Variants in PWWP2A observed in about 807,000 individuals in gnomAD.
The protein encoded by PWWP2A is PWWP domain-containing protein 2A.
In PWWP2A, 18 loss-of-function variants were observed where a neutral mutation model predicts 48.5. The observed-to-expected ratio is 0.37, with a 90% CI of 0.26 to 0.55. The LOEUF (loss-of-function observed/expected upper bound fraction) is 0.55, where lower values mean the gene tolerates loss of function less well. Ranked by LOEUF, PWWP2A falls within the 20% of genes least tolerant of loss-of-function variation. The probability of loss-of-function intolerance (pLI) is 0.81; values close to 1 mark genes in which losing one functional copy is unlikely to be tolerated. For synonymous variants in PWWP2A, 396 were observed against 387.7 expected (o/e 1.02, Z -0.25); for missense variants, 867 against 976.4 (o/e 0.89, Z 1.49).
rs1368490139 is a variant in PWWP2A at position 160,093,954 on chromosome 5, C to T, written c.696G>A (p.Lys232=). The T allele has an allele frequency of 6.2e-7, 1 of 1,614,040 alleles. No individual in the cohort carries two copies. The highest frequency in any genetic ancestry group is 1.1e-5 in the South Asian group (1 of 91,080). Reference sequence around the variant, plus strand: ...CGGGAACAGCACCATTTGCTTCACACTTGACTTCTGTCCCTTCTTGGAATG... The same window carrying T: ...CGGGAACAGCACCATTTGCTTCACATTTGACTTCTGTCCCTTCTTGGAATG... ...SNTFQEGTEV[K]CEANGAVPDD... is the part of the protein sequence containing the mutation. The change falls in exon 2 of 2, where the codon AAG becomes AAA. Residue 232 remains lysine (K), a synonymous_variant. Coordinates refer to ENST00000307063, the MANE Select transcript of PWWP2A (RefSeq NM_001130864.2). This position sits in a 1 kb window ranked among gnomAD's most constrained non-coding sequence, Gnocchi z 5.8.
downstream of PWWP2A, among the ~76,000 whole-genome samples, chr5:160,059,228 C>T (rs145434296): frequency 1.3e-4 from 20 of 152,338 alleles, no homozygotes; most frequent in African/African-American, 4.6e-4. Context: ...TTAGTGTAGC[C>T]ACCTTCATCA....
At chr5:160,079,692 G>T (rs536178440) in intron 3 of PWWP2A, among the ~76,000 whole-genome samples, 1 of 152,294 alleles carries the variant, frequency 6.6e-6, no homozygotes, top group African/African-American at 2.4e-5. Flanking sequence ...TTTAAGTTCA[G>T]TTAAAATCTA....
chr5:160,103,732 T>C (rs1410190591), intron 1 of PWWP2A, among the ~76,000 whole-genome samples: 1 of 152,104 alleles, frequency 6.6e-6, no homozygotes, highest in African/African-American at 2.4e-5. Context: ...AGGTGATCCA[T>C]CTGGCAGAAA....
chr5:160,089,811 C>G, downstream of PWWP2A: 1 of 985,418 alleles, frequency 1.0e-6, no homozygotes, highest in Non-Finnish European at 1.2e-6. Flanking sequence ...AAAATACCCA[C>G]TTCTGTTATC....
chr5:160,057,116 G>A (rs1757566426), downstream of PWWP2A, among the ~76,000 whole-genome samples: 1 of 152,174 alleles, frequency 6.6e-6, no homozygotes, highest in South Asian at 2.1e-4. The surrounding 1 kb of genome is among the most constrained non-coding windows in gnomAD (Gnocchi z 4.4). Flanking sequence ...TCCCTCAGTA[G>A]AGAATATCAG....
intron 4 of PWWP2A, chr5:160,064,939 A>C (rs778154739): frequency 6.2e-7 from 1 of 1,606,932 alleles, no homozygotes. Flanking sequence ...CAGGTAAATT[A>C]AAAGATCTTG....
the PWWP2A span, among the ~76,000 whole-genome samples, chr5:160,053,238 A>T: frequency 1.3e-5 from 2 of 152,200 alleles, no homozygotes; most frequent in Non-Finnish European, 2.9e-5. Flanking sequence ...CATCATCTTT[A>T]TGCTAGTTCC....
rs1753943169 is a variant in PWWP2A, at chr5:160,077,387, C to T, written c.*768G>A. ...AGTATATACATTTGCACTCCAATAT[C>T]AACACTAGCCTATCCACTTTGAGTC... On this transcript the variant is annotated 3_prime_UTR_variant, in exon 4 of 4. Transcript: ENST00000456329. The surrounding 1 kb of genome is among the most constrained non-coding windows in gnomAD (Gnocchi z 4.2). 1 of 152,168 alleles carries T rather than the reference C, an allele frequency of 6.6e-6. No homozygotes were observed. Among genetic ancestry groups the T allele is most frequent in the African/African-American group, 2.4e-5 (1 of 41,430 alleles). 9.4% of individuals were successfully genotyped at this position (152,168 alleles called of 1,614,324 possible). A position where few individuals can be genotyped will look rare whatever the true frequency, so the allele number is the denominator to read the frequency against.
rs769295767 is a variant in PWWP2A at position 160,119,180 on chromosome 5, G to A, written c.209C>T (p.Pro70Leu). ...APQADEPPLP[P>L]PPPPPGELAR... is the part of the protein sequence containing the mutation. Reference sequence around the variant, plus strand: ...GAGCTCCCCCGGCGGCGGCGGTGGCGGCGGGAGCGGCGGCTCGTCGGCCTG... The same window carrying A: ...GAGCTCCCCCGGCGGCGGCGGTGGCAGCGGGAGCGGCGGCTCGTCGGCCTG... Residue 70 changes from proline to leucine, a missense_variant, in exon 1 of 2, where the codon CCG becomes CTG. Physicochemically the swap from Pro to Leu is moderately conservative, Grantham distance 98 (BLOSUM62 -3). This residue lies in a region of PWWP2A where 385 missense variants were observed against 396.9 expected (regional missense o/e 0.97). Coordinates refer to ENST00000307063, the MANE Select transcript of PWWP2A (RefSeq NM_001130864.2). The A allele has an allele frequency of 1.3e-4, 190 of 1,482,424 alleles. No individual in the cohort carries two copies. The highest frequency in any genetic ancestry group is 1.8e-4 in the Middle Eastern group (1 of 5,538). The allele number at this position is 1,482,424 out of a possible 1,614,324, so 91.8% of individuals were successfully genotyped here. A position where few individuals can be genotyped will look rare whatever the true frequency, so the allele number is the denominator to read the frequency against.
intron 1 of PWWP2A, among the ~76,000 whole-genome samples, chr5:160,095,659 T>C (rs148230433): frequency 1.3e-5 from 2 of 151,550 alleles, no homozygotes; most frequent in Non-Finnish European, 2.9e-5. Context: ...ACTACAAATC[T>C]TCAGTGCTCA....
chr5:160,058,235 C>T (rs1426947982), downstream of PWWP2A, among the ~76,000 whole-genome samples: 7 of 152,146 alleles, frequency 4.6e-5, no homozygotes, highest in East Asian at 1.9e-4. Context: ...CATCTTCAAG[C>T]GCCACTCGAA....
chr5:160,086,445 A>C (rs1754646364), downstream of PWWP2A, among the ~76,000 whole-genome samples: 1 of 152,170 alleles, frequency 6.6e-6, no homozygotes, highest in South Asian at 2.1e-4. Context: ...TGAGCCCAGG[A>C]GGTCAAGGCT....
chr5:160,100,828 T>C (rs1198068491), intron 1 of PWWP2A, among the ~76,000 whole-genome samples: 1 of 152,140 alleles, frequency 6.6e-6, no homozygotes, highest in East Asian at 1.9e-4. Flanking sequence ...AAGAAAATTT[T>C]ACAAAAAGTT....
rs565158992 is a variant in PWWP2A, at chr5:160,084,137, T to C, written c.1550-3367A>G. On this transcript the variant is annotated intron_variant, in intron 2 of 3. Transcript: ENST00000456329. ...AAAGTGACTGCAGTGGTAGTAATGA[T>C]GGCAAGTATTTATACAGCCTCATGC... Among the ~76,000 whole-genome samples the C allele has an allele frequency of 4.6e-5, 7 of 152,370 alleles. No individual in the cohort carries two copies. The South Asian group carries it at 1.4e-3, about 32-fold the overall frequency.
the PWWP2A span, chr5:160,051,108 T>C: frequency 2.5e-6 from 4 of 1,574,798 alleles, no homozygotes; most frequent in Non-Finnish European, 2.6e-6. Context: ...TACCAACCCT[T>C]GTTTCTCCTC....
chr5:160,052,153 C>G, the PWWP2A span, among the ~76,000 whole-genome samples: 1 of 151,652 alleles, frequency 6.6e-6, no homozygotes, highest in East Asian at 1.9e-4. Flanking sequence ...GCTCTGGAGC[C>G]TTCCCCAGAT....
At position 160,092,579 on chromosome 5, in the gene PWWP2A, C is replaced by A. The variant is rs1755191948; in HGVS notation, c.2071G>T (p.Ala691Ser). ...KDNGLLVRQE[A>S]RISWFGSPTT... ...GGAGACCCAAACCATGAAATACGGG[C>A]CTCCTGTCGGACTAAAAGGCCGTTA... is the stretch of plus-strand genomic sequence containing the variant. The change falls in exon 2 of 2, where the codon GCC (alanine) becomes TCC (serine). Residue 691 changes from alanine (A) to serine (S), a missense_variant. By Grantham distance (99) the Ala-to-Ser change is moderately conservative (BLOSUM62 1). Transcript: ENST00000307063. 6.4e-7 allele frequency: 1 copy of A among 1,551,506 alleles called. No homozygotes were observed. The highest frequency in any genetic ancestry group is 2.0e-5 in the Admixed American group (1 of 50,960).
intron 1 of PWWP2A, among the ~76,000 whole-genome samples, chr5:160,107,744 C>G (rs376652021): frequency 2.0e-5 from 3 of 151,564 alleles, no homozygotes; most frequent in African/African-American, 4.8e-5. Flanking sequence ...CCAGGCCAGG[C>G]GCGGTGGCTC....
chr5:160,067,592 A>G (rs538859046), intron 2 of PWWP2A, among the ~76,000 whole-genome samples: 2 of 152,116 alleles, frequency 1.3e-5, no homozygotes, highest in South Asian at 4.1e-4. Context: ...CTTCCTCTCA[A>G]TCACACTGAA....
Sources: allele counts gnomAD v4.1 joint callset (sites outside exome capture counted in the v4.1 genomes callset), GRCh38; gene constraint gnomAD v4.1.1; regional missense constraint gnomAD v4.1.1; non-coding constraint Gnocchi (gnomAD v3.1); transcripts MANE v1.5; gene names NCBI Gene and HGNC (gene_info 2026-07-23, HGNC 2026-07-21).